COX7B2: variants seen among roughly 807,000 people sequenced by gnomAD.
COX7B2 encodes the protein cytochrome c oxidase subunit 7B2.
For missense variants in COX7B2, 109 were observed against 95.9 expected, an observed-to-expected ratio of 1.14 and a Z score of -0.57; for synonymous variants, 37 against 32.1, an observed-to-expected ratio of 1.15 and a Z score of -0.51.
intron 1 of COX7B2, among the ~76,000 whole-genome samples, chr4:46,880,577 C>T (rs1464913603): frequency 2.0e-5 from 3 of 151,766 alleles, no homozygotes; most frequent in African/African-American, 7.3e-5. Flanking sequence ...AGTTTGTGTA[C>T]ATAAGGTGTT....
At position 46,756,558 on chromosome 4, in the gene COX7B2, C is replaced by T. The variant is rs376312103; in HGVS notation, c.-49-21317G>A. 5.3e-5 allele frequency among the ~76,000 whole-genome samples: 8 copies of T among 151,926 alleles called. No individual in the cohort carries two copies. In the East Asian group the frequency reaches 1.2e-3, roughly 22 times the overall value. On this transcript the variant is annotated intron_variant, in intron 2 of 2. Coordinates refer to ENST00000355591, the MANE Select transcript of COX7B2 (RefSeq NM_130902.3). ...ATTTGCAAACTATGCACCTGACAAA[C>T]GACTAATATCTAGAATCTACAAAGA...
chr4:46,856,120 T>G (rs767430082), intron 1 of COX7B2, among the ~76,000 whole-genome samples: 34 of 152,026 alleles, frequency 2.2e-4, no homozygotes, highest in African/African-American at 8.2e-4. Context: ...GGTGCACCCA[T>G]GTAATCCCAG....
chr4:46,854,145 A>G (rs945923473), intron 1 of COX7B2, among the ~76,000 whole-genome samples: 1 of 152,188 alleles, frequency 6.6e-6, no homozygotes, highest in Non-Finnish European at 1.5e-5. Context: ...ATTATAATCT[A>G]TATTAACATA....
intron 2 of COX7B2, among the ~76,000 whole-genome samples, chr4:46,790,642 G>C (rs936962564): frequency 4.6e-5 from 7 of 151,834 alleles, no homozygotes; most frequent in Admixed American, 4.6e-4. Flanking sequence ...ATTATTTTTA[G>C]CCTGTATCTG....
chr4:46,825,528 A>T (rs1049595872), intron 2 of COX7B2, among the ~76,000 whole-genome samples: 17 of 152,156 alleles, frequency 1.1e-4, no homozygotes, highest in Admixed American at 1.0e-3. Flanking sequence ...CTAGAAAAAA[A>T]CTATATTATA....
At chr4:46,842,057 C>T (rs115783519) in intron 2 of COX7B2, among the ~76,000 whole-genome samples, 1,682 of 152,014 alleles carry the variant, frequency 0.011, 19 homozygotes, top group Middle Eastern at 0.041. Context: ...TCCTTTACCC[C>T]GATTTTATAT....
chr4:46,847,543 G>GCAGACTT (rs1047781455), intron 1 of COX7B2, among the ~76,000 whole-genome samples: 8 of 152,038 alleles, frequency 5.3e-5, no homozygotes, highest in African/African-American at 1.9e-4. Flanking sequence ...TAAGCTGTGA[G>GCAGACTT]CAGACTTCTG....
intron 2 of COX7B2, among the ~76,000 whole-genome samples, chr4:46,777,455 G>T (rs1015985256): frequency 6.6e-6 from 1 of 152,024 alleles, no homozygotes; most frequent in Non-Finnish European, 1.5e-5. Flanking sequence ...AAAAATAATA[G>T]CATGTATGCC....
chr4:46,840,460 C>T (rs1715857194), intron 2 of COX7B2, among the ~76,000 whole-genome samples: 2 of 151,874 alleles, frequency 1.3e-5, no homozygotes, highest in African/African-American at 4.8e-5. Flanking sequence ...TAGTTGGGTG[C>T]ACTGAGGAGT....
intron 2 of COX7B2, among the ~76,000 whole-genome samples, chr4:46,742,766 C>T (rs1167147835): frequency 6.6e-6 from 1 of 151,766 alleles, no homozygotes; most frequent in African/African-American, 2.4e-5. Context: ...AGCTGGTGTC[C>T]TCAAATGCCA....
At chr4:46,759,530 G>A (rs1034291381) in intron 2 of COX7B2, among the ~76,000 whole-genome samples, 3 of 151,954 alleles carry the variant, frequency 2.0e-5, no homozygotes, top group African/African-American at 7.2e-5. Flanking sequence ...CAAAAAGTGG[G>A]CAAAGGATAT....
intron 2 of COX7B2, among the ~76,000 whole-genome samples, chr4:46,783,261 C>T (rs1717579718): frequency 6.6e-6 from 1 of 152,168 alleles, no homozygotes; most frequent in Admixed American, 6.5e-5. Flanking sequence ...CTGGAAAACA[C>T]AACCAAATCC....
At chr4:46,743,585 T>A (rs537295700) in intron 2 of COX7B2, among the ~76,000 whole-genome samples, 1 of 152,228 alleles carries the variant, frequency 6.6e-6, no homozygotes, top group African/African-American at 2.4e-5. Context: ...TGATGTTATA[T>A]TAATAGAAGT....
intron 2 of COX7B2, among the ~76,000 whole-genome samples, chr4:46,767,998 C>T (rs771532735): frequency 5.3e-5 from 8 of 152,222 alleles, no homozygotes; most frequent in Non-Finnish European, 7.3e-5. Flanking sequence ...CTGGCAGGAA[C>T]GAACCCTGTA....
At chr4:46,762,367 T>C (rs1716227812) in intron 2 of COX7B2, among the ~76,000 whole-genome samples, 1 of 122,158 alleles carries the variant, frequency 8.2e-6, no homozygotes, top group East Asian at 2.4e-4. Context: ...TACATGTATA[T>C]ATACACAATA....
chr4:46,868,393 T>C (rs1560428188), intron 1 of COX7B2, among the ~76,000 whole-genome samples: 1 of 152,204 alleles, frequency 6.6e-6, no homozygotes, highest in Non-Finnish European at 1.5e-5. Context: ...CCAATTATTA[T>C]TTCTTATCTT....
chr4:46,866,058 T>A (rs1432553623), intron 1 of COX7B2, among the ~76,000 whole-genome samples: 1 of 152,098 alleles, frequency 6.6e-6, no homozygotes, highest in Non-Finnish European at 1.5e-5. Context: ...AGAGTGGAAG[T>A]TTCCCCACAA....
intron 2 of COX7B2, among the ~76,000 whole-genome samples, chr4:46,810,124 T>C (rs553441424): frequency 1.5e-4 from 23 of 152,154 alleles, no homozygotes; most frequent in African/African-American, 5.5e-4. Context: ...CCTCTGTATA[T>C]CCTTAAAGCT....
At chr4:46,749,893 C>T (rs1715247379) in intron 2 of COX7B2, among the ~76,000 whole-genome samples, 1 of 152,092 alleles carries the variant, frequency 6.6e-6, no homozygotes, top group Non-Finnish European at 1.5e-5. Context: ...TTCTCCTCTG[C>T]ACAGAGAATT....
Sources: gnomAD v4.1 joint callset for allele counts (sites outside exome capture counted in the v4.1 genomes callset) on GRCh38, gnomAD v4.1.1 for gene constraint, MANE v1.5 for transcripts, NCBI Gene and HGNC (gene_info 2026-07-23, HGNC 2026-07-21) for gene names.